Variants in TAFA1 observed in about 807,000 individuals in gnomAD.
The protein encoded by TAFA1 is chemokine-like protein TAFA-1.
In TAFA1, 4 loss-of-function variants were observed where a neutral mutation model predicts 18.5. The observed-to-expected ratio is 0.22, with a 90% CI of 0.11 to 0.49. TAFA1 has a LOEUF of 0.49. TAFA1 is among the 20% of genes least tolerant of loss of function. The pLI is 0.98. For synonymous variants in TAFA1, 56 were observed against 55.2 expected, an observed-to-expected ratio of 1.01 and a Z score of -0.06; for missense variants, 147 against 169.0, an observed-to-expected ratio of 0.87 and a Z score of 0.72.
intron 3 of TAFA1, among the ~76,000 whole-genome samples, chr3:68,523,160 G>A (rs576286694): frequency 1.9e-4 from 29 of 152,322 alleles, no homozygotes; most frequent in Non-Finnish European, 3.7e-4. Context: ...GGGATGATAG[G>A]GAGTGGCAGG....
chr3:68,389,140 T>G (rs979819320), intron 2 of TAFA1, among the ~76,000 whole-genome samples: 2 of 152,198 alleles, frequency 1.3e-5, no homozygotes, highest in African/African-American at 4.8e-5. Flanking sequence ...TTGGGAAACA[T>G]GCCTAGACAG....
intron 2 of TAFA1, among the ~76,000 whole-genome samples, chr3:68,049,848 C>T (rs533731872): frequency 1.3e-5 from 2 of 152,002 alleles, no homozygotes; most frequent in African/African-American, 2.4e-5. Context: ...GCTTTCATCC[C>T]GCTCTGAATA....
At chr3:68,058,689 AGTAAT>A (rs1330961191) in intron 2 of TAFA1, among the ~76,000 whole-genome samples, 1 of 152,246 alleles carries the variant, frequency 6.6e-6, no homozygotes, top group Non-Finnish European at 1.5e-5. Context: ...ACACACATTT[AGTAAT>A]GTCTCTCAGA....
intron 2 of TAFA1, among the ~76,000 whole-genome samples, chr3:68,288,223 C>G (rs987999932): frequency 7.9e-5 from 12 of 152,160 alleles, no homozygotes; most frequent in African/African-American, 2.9e-4. Context: ...TGCTGCTGCT[C>G]ACTCCGCAGT....
chr3:68,338,884 A>T (rs1188216789), intron 2 of TAFA1, among the ~76,000 whole-genome samples: 3 of 152,172 alleles, frequency 2.0e-5, no homozygotes, highest in Non-Finnish European at 4.4e-5. Context: ...CAAGGCTTGG[A>T]TTCGTGCTGT....
chr3:68,268,070 G>A (rs1291014361), intron 2 of TAFA1, among the ~76,000 whole-genome samples: 2 of 152,086 alleles, frequency 1.3e-5, no homozygotes, highest in African/African-American at 4.8e-5. Context: ...TTCTGACTTT[G>A]TTTCAAAGAG....
chr3:68,478,510 G>C (rs896892610), intron 3 of TAFA1, among the ~76,000 whole-genome samples: 1 of 152,182 alleles, frequency 6.6e-6, no homozygotes, highest in Admixed American at 6.5e-5. Context: ...CCTTCCATAA[G>C]AAGCTAAAAG....
At chr3:68,339,543 A>C in intron 2 of TAFA1, among the ~76,000 whole-genome samples, 1 of 152,318 alleles carries the variant, frequency 6.6e-6, no homozygotes, top group South Asian at 2.1e-4. Flanking sequence ...GTGTATTGAA[A>C]AAGTTTATTA....
chr3:68,437,338 A>G (rs1559669652), intron 3 of TAFA1, among the ~76,000 whole-genome samples: 1 of 152,194 alleles, frequency 6.6e-6, no homozygotes, highest in South Asian at 2.1e-4. Flanking sequence ...TATAGTTTAA[A>G]ATAGTTGTAT....
intron 2 of TAFA1, among the ~76,000 whole-genome samples, chr3:68,378,137 G>A (rs553495447): frequency 7.2e-5 from 11 of 152,318 alleles, no homozygotes; most frequent in African/African-American, 2.6e-4. Context: ...AGGGAGCTGT[G>A]AGAAGAGGGC....
rs547552540 is a variant in TAFA1 at position 68,138,464 on chromosome 3, A to G, written c.118+131720A>G. ...AGATTCTGGGATTGTCTGTTACCAC[A>G]GCACAGCTTCTTCTATCCTAATAAA... is the stretch of plus-strand genomic sequence containing the variant. On this transcript the variant is annotated intron_variant, in intron 2 of 4. Transcript: ENST00000478136. 7.9e-5 allele frequency among the ~76,000 whole-genome samples: 12 copies of G among 152,344 alleles called. No individual in the cohort carries two copies. In the South Asian group the frequency reaches 2.3e-3, roughly 29 times the overall value.
chr3:68,390,152 G>C (rs1438184946), intron 2 of TAFA1, among the ~76,000 whole-genome samples: 1 of 152,142 alleles, frequency 6.6e-6, no homozygotes, highest in South Asian at 2.1e-4. Context: ...AACCTGGGAT[G>C]CTCAAGCTTG....
chr3:68,113,259 A>G (rs756418952), intron 2 of TAFA1, among the ~76,000 whole-genome samples: 5 of 152,208 alleles, frequency 3.3e-5, no homozygotes, highest in Non-Finnish European at 5.9e-5. Flanking sequence ...TGCAATAAAC[A>G]TGTACACATA....
At chr3:68,198,902 T>C (rs971203062) in intron 2 of TAFA1, among the ~76,000 whole-genome samples, 32 of 151,536 alleles carry the variant, frequency 2.1e-4, no homozygotes, top group African/African-American at 7.0e-4. Context: ...TTTTTTCTTT[T>C]ATGGAGCATA....
At chr3:68,298,945 C>T (rs1010937064) in intron 2 of TAFA1, among the ~76,000 whole-genome samples, 9 of 152,130 alleles carry the variant, frequency 5.9e-5, no homozygotes, top group African/African-American at 1.9e-4. Flanking sequence ...GTGGATGTGA[C>T]TTTGGAACTG....
chr3:68,454,175 C>T (rs1229612546), intron 3 of TAFA1, among the ~76,000 whole-genome samples: 1 of 152,186 alleles, frequency 6.6e-6, no homozygotes, highest in East Asian at 1.9e-4. Flanking sequence ...GCAGCTTTTC[C>T]AGGCTCTCCA....
At chr3:68,460,953 C>G (rs2071765067) in intron 3 of TAFA1, among the ~76,000 whole-genome samples, 1 of 152,126 alleles carries the variant, frequency 6.6e-6, no homozygotes, top group Admixed American at 6.5e-5. Flanking sequence ...AAGATCAGCT[C>G]TTAGTGCCCA....
chr3:68,053,942 T>C (rs1377870778), intron 2 of TAFA1, among the ~76,000 whole-genome samples: 1 of 152,096 alleles, frequency 6.6e-6, no homozygotes, highest in African/African-American at 2.4e-5. Flanking sequence ...CAGCCTCAAG[T>C]GATCCTCCTA....
chr3:68,115,529 C>T (rs143993060), intron 2 of TAFA1, among the ~76,000 whole-genome samples: 1 of 152,280 alleles, frequency 6.6e-6, no homozygotes, highest in East Asian at 1.9e-4. Context: ...TGAGAAATGA[C>T]TATTCTCACA....
Sources: gnomAD v4.1 joint callset for allele counts (sites outside exome capture counted in the v4.1 genomes callset) on GRCh38, gnomAD v4.1.1 for gene constraint, MANE v1.5 for transcripts, NCBI Gene and HGNC (gene_info 2026-07-23, HGNC 2026-07-21) for gene names.